The following ESR1 variants were observed in gnomAD, a reference collection of about 807,000 sequenced individuals.
ESR1 encodes the protein estrogen receptor.
A neutral mutation model predicts 52.7 loss-of-function variants in ESR1; 12 were observed. That is an observed-to-expected ratio of 0.23 (90% CI 0.15 to 0.37). The LOEUF is 0.37. ESR1 is among the 10% of genes least tolerant of loss of function. The pLI is 1.00. For synonymous variants in ESR1, 305 were observed against 316.8 expected (o/e 0.96, Z 0.39); for missense variants, 584 against 779.7 (o/e 0.75, Z 2.99).
intron 4 of ESR1, among the ~76,000 whole-genome samples, chr6:151,986,481 G>A (rs1216242432): frequency 1.3e-5 from 2 of 152,094 alleles, no homozygotes; most frequent in African/African-American, 4.8e-5. Flanking sequence ...CCTTGGTATG[G>A]AGAAAGCAGT....
intron 2 of ESR1, among the ~76,000 whole-genome samples, chr6:151,765,194 T>A (rs987555929): frequency 3.3e-5 from 5 of 152,230 alleles, no homozygotes; most frequent in African/African-American, 1.2e-4. Flanking sequence ...GTTTTTCACT[T>A]ATAGCACACG....
intron 4 of ESR1, among the ~76,000 whole-genome samples, chr6:151,963,266 G>A (rs909221992): frequency 6.6e-6 from 1 of 152,186 alleles, no homozygotes; most frequent in African/African-American, 2.4e-5. Context: ...TCTCTGGAAT[G>A]GATTAATTTC....
intron 5 of ESR1, among the ~76,000 whole-genome samples, chr6:152,037,133 G>T (rs1483912188): frequency 6.6e-6 from 1 of 152,126 alleles, no homozygotes; most frequent in Non-Finnish European, 1.5e-5. Context: ...TAGAGCAATA[G>T]CATCGGCTTA....
chr6:151,834,794 C>T (rs916624061), intron 1 of ESR1, among the ~76,000 whole-genome samples: 6 of 152,008 alleles, frequency 3.9e-5, no homozygotes, highest in Admixed American at 2.6e-4. Flanking sequence ...GGAGAAGGCG[C>T]TGAGACAGGG....
chr6:152,062,874 A>G (rs2047657192), intron 6 of ESR1, among the ~76,000 whole-genome samples: 1 of 152,202 alleles, frequency 6.6e-6, no homozygotes. Context: ...GTAATAAAAA[A>G]TATTTCCTCC....
intron 2 of ESR1, among the ~76,000 whole-genome samples, chr6:151,731,549 C>T (rs569021166): frequency 2.0e-5 from 3 of 152,142 alleles, no homozygotes; most frequent in South Asian, 2.1e-4. Flanking sequence ...CTCGCTGCCT[C>T]GTGCCAGGTC....
At chr6:151,830,936 T>G (rs753318289) in intron 1 of ESR1, among the ~76,000 whole-genome samples, 1 of 152,184 alleles carries the variant, frequency 6.6e-6, no homozygotes, top group Non-Finnish European at 1.5e-5. Flanking sequence ...ATTTGTGAGT[T>G]AAACTAGGTA....
intron 2 of ESR1, among the ~76,000 whole-genome samples, chr6:151,781,394 A>G (rs553703963): frequency 1.3e-5 from 2 of 152,394 alleles, no homozygotes; most frequent in East Asian, 1.9e-4. Context: ...AATCCCATCC[A>G]TGAAGGTGGA....
upstream of ESR1, among the ~76,000 whole-genome samples, chr6:151,802,114 G>T (rs1777309741): frequency 6.6e-6 from 1 of 152,100 alleles, no homozygotes; most frequent in Non-Finnish European, 1.5e-5. Context: ...TTCATCAAAT[G>T]GTATGCTTTA....
upstream of ESR1, among the ~76,000 whole-genome samples, chr6:151,689,244 T>C (rs55819374): frequency 0.017 from 2,590 of 152,314 alleles, 26 homozygotes; most frequent in Non-Finnish European, 0.027. Flanking sequence ...AATATTTCGC[T>C]TTCAAAACAC....
chr6:151,940,591 T>C (rs990153383), intron 3 of ESR1, among the ~76,000 whole-genome samples: 2 of 152,232 alleles, frequency 1.3e-5, no homozygotes, highest in African/African-American at 4.8e-5. Context: ...CTAAGTAGTC[T>C]GCTCCTAAAT....
intron 1 of ESR1, among the ~76,000 whole-genome samples, chr6:151,821,642 C>A (rs1780566270): frequency 6.6e-6 from 1 of 152,080 alleles, no homozygotes; most frequent in East Asian, 1.9e-4. Flanking sequence ...TCCACTATCA[C>A]CAATGTGAAA....
At chr6:151,843,210 G>A (rs577675539) in intron 2 of ESR1, among the ~76,000 whole-genome samples, 2 of 152,288 alleles carry the variant, frequency 1.3e-5, no homozygotes, top group Admixed American at 1.3e-4. Flanking sequence ...CTCAGGCCTT[G>A]TCCAGGCAAA....
At chr6:152,074,071 A>G (rs151209840) in intron 6 of ESR1, among the ~76,000 whole-genome samples, 175 of 152,276 alleles carry the variant, frequency 1.1e-3, no homozygotes, top group Non-Finnish European at 1.8e-3. Context: ...CAGCATCCCC[A>G]ACCAGAGAGG....
intron 3 of ESR1, among the ~76,000 whole-genome samples, chr6:151,942,098 G>T (rs1051906960): frequency 6.6e-6 from 1 of 152,174 alleles, no homozygotes; most frequent in African/African-American, 2.4e-5. Context: ...AGTGGACATA[G>T]CATCTCCCTT....
At chr6:152,010,512 A>G (rs554602885) in intron 4 of ESR1, among the ~76,000 whole-genome samples, 1 of 152,194 alleles carries the variant, frequency 6.6e-6, no homozygotes, top group African/African-American at 2.4e-5. Context: ...GGGATATCTT[A>G]GGGCAAAAGA....
At position 152,102,694 on chromosome 6, in the gene ESR1, T is replaced by TAG. The variant is rs1471874634; in HGVS notation, c.*3728_*3729insAG. On this transcript the variant is annotated 3_prime_UTR_variant, in exon 8 of 8. Coordinates refer to ENST00000206249, the MANE Select transcript of ESR1 (RefSeq NM_000125.4). ...TCGTTTTTAGTCATTTAAAATTGTTTTCTAAGTAATTGCTGCCTCTATTAT... is the reference window on the plus strand; with the variant it reads ...TCGTTTTTAGTCATTTAAAATTGTTTAGTCTAAGTAATTGCTGCCTCTATTAT... The TAG allele has an allele frequency of 9.1e-6, 2 of 219,660 alleles. No individual in the cohort carries two copies. The highest frequency in any genetic ancestry group is 4.5e-5 in the African/African-American group (2 of 44,602). 13.6% of individuals were successfully genotyped at this position (219,660 alleles called of 1,614,324 possible).
At chr6:151,860,111 T>A (rs1397614529) in intron 2 of ESR1, among the ~76,000 whole-genome samples, 3 of 152,222 alleles carry the variant, frequency 2.0e-5, no homozygotes, top group Non-Finnish European at 4.4e-5. Flanking sequence ...CTTCTTTCTT[T>A]ACTTTTCTCT....
intron 1 of ESR1, among the ~76,000 whole-genome samples, chr6:151,701,347 G>C (rs1351681735): frequency 6.6e-6 from 1 of 151,682 alleles, no homozygotes; most frequent in Non-Finnish European, 1.5e-5. Context: ...CCAACATGGT[G>C]AAACCCATCT....
Sources: gnomAD v4.1 joint callset for allele counts (sites outside exome capture counted in the v4.1 genomes callset) on GRCh38, gnomAD v4.1.1 for gene constraint, MANE v1.5 for transcripts, NCBI Gene and HGNC (gene_info 2026-07-23, HGNC 2026-07-21) for gene names.